Variants in RAP1GAP2 observed in about 807,000 individuals in gnomAD.
The protein encoded by RAP1GAP2 is RAP1 GTPase activating protein 2.
A neutral mutation model predicts 95.0 loss-of-function variants in RAP1GAP2; 27 were observed. The ratio of observed to expected loss-of-function variants is 0.28; its 90% CI spans 0.21 to 0.39. The LOEUF (loss-of-function observed/expected upper bound fraction) is 0.39. RAP1GAP2 is among the 10% of genes least tolerant of loss of function. The pLI, the probability that RAP1GAP2 is intolerant of heterozygous loss-of-function variation, is 1.00. For synonymous variants in RAP1GAP2, 373 were observed against 380.9 expected (o/e 0.98, Z 0.24); for missense variants, 771 against 970.0 (o/e 0.79, Z 2.72).
In RAP1GAP2 at chr17:2,872,285, C is replaced by T. The variant is rs546415181; in HGVS notation, c.81-32999C>T. On this transcript the variant is annotated intron_variant, in intron 2 of 24. Transcript: ENST00000254695. Reference sequence around the variant, plus strand: ...CAGCCTAAAATGAGTGACAGAAAGACGAGTTCTCCAAAACAAAGAGTTTCT... The same window carrying T: ...CAGCCTAAAATGAGTGACAGAAAGATGAGTTCTCCAAAACAAAGAGTTTCT... Among the ~76,000 whole-genome samples the T allele has an allele frequency of 5.8e-4, 86 of 148,274 alleles. 1 individual carries two copies. The highest frequency in any genetic ancestry group is 1.3e-3 in the Admixed American group (20 of 14,822).
intron 8 of RAP1GAP2, among the ~76,000 whole-genome samples, chr17:2,971,098 A>G (rs772177958): frequency 3.9e-5 from 6 of 152,234 alleles, no homozygotes; most frequent in Non-Finnish European, 7.3e-5. Flanking sequence ...ACTTACTTGT[A>G]GGTAATTATC....
At chr17:2,846,871 G>C (rs954623352) in intron 2 of RAP1GAP2, among the ~76,000 whole-genome samples, 2 of 152,122 alleles carry the variant, frequency 1.3e-5, no homozygotes, top group Admixed American at 1.3e-4. Flanking sequence ...TAAGCCTAGG[G>C]ACAAGTGGGC....
intron 3 of RAP1GAP2, among the ~76,000 whole-genome samples, chr17:2,947,641 C>A (rs1597691353): frequency 6.6e-6 from 1 of 152,152 alleles, no homozygotes; most frequent in Non-Finnish European, 1.5e-5. Context: ...CGAGGACCTT[C>A]TGTTCTGCAG....
rs577331400 is a variant in RAP1GAP2, at chr17:2,867,748, G to C, written c.81-37536G>C. Among the ~76,000 whole-genome samples, 7 of 152,212 alleles carry C rather than the reference G, an allele frequency of 4.6e-5. No homozygotes were observed. In the South Asian group the frequency reaches 1.4e-3, roughly 32 times the overall value. On this transcript the variant is annotated intron_variant, in intron 2 of 24. Coordinates refer to ENST00000254695, the MANE Select transcript of RAP1GAP2 (RefSeq NM_015085.5). This position sits in a 1 kb window ranked among gnomAD's most constrained non-coding sequence, Gnocchi z 4.5. ...CTCAGAAGCTCAGGGGATGGAAGCT[G>C]GGCAGTAAAAATGCCAACAGCTGTC...
At chr17:2,908,401 A>G (rs1459249411) in intron 3 of RAP1GAP2, among the ~76,000 whole-genome samples, 1 of 152,168 alleles carries the variant, frequency 6.6e-6, no homozygotes, top group African/African-American at 2.4e-5. Flanking sequence ...GATTAAGATG[A>G]GACCTTTGGA....
In RAP1GAP2 at chr17:2,797,844, G is replaced by A. The variant is rs2069139003; in HGVS notation, c.44+1273G>A. On this transcript the variant is annotated intron_variant, in intron 1 of 24. Coordinates refer to ENST00000254695, the MANE Select transcript of RAP1GAP2 (RefSeq NM_015085.5). This position sits in a 1 kb window ranked among gnomAD's most constrained non-coding sequence, Gnocchi z 5.6. ...GCTTCTGGTTGGGAGGGGTGTGTGT[G>A]TCTTGGCTGTGGGCCTTGCAGGGCA... is the stretch of plus-strand genomic sequence containing the variant. 1.1e-6 allele frequency: 1 copy of A among 947,500 alleles called. No homozygotes were observed. The allele number at this position is 947,500 out of a possible 1,614,324, so 58.7% of individuals were successfully genotyped here.
chr17:2,818,186 C>A (rs2070117576), intron 2 of RAP1GAP2, among the ~76,000 whole-genome samples: 1 of 152,032 alleles, frequency 6.6e-6, no homozygotes, highest in South Asian at 2.1e-4. Flanking sequence ...ATAAAACACA[C>A]ACATAAAGTT....
intron 19 of RAP1GAP2, among the ~76,000 whole-genome samples, chr17:3,022,429 T>C (rs187818438): frequency 3.9e-5 from 6 of 152,294 alleles, no homozygotes; most frequent in Admixed American, 2.0e-4. Context: ...CCCAAGAGAG[T>C]TGAGAACGGT....
intron 2 of RAP1GAP2, among the ~76,000 whole-genome samples, chr17:2,830,542 C>T (rs1324473526): frequency 3.3e-5 from 5 of 151,898 alleles, no homozygotes; most frequent in East Asian, 3.9e-4. Context: ...GGTGAAACCC[C>T]GTCTCTACTA....
intron 1 of RAP1GAP2, among the ~76,000 whole-genome samples, chr17:2,761,382 G>A (rs1429648068): frequency 6.7e-6 from 1 of 150,236 alleles, no homozygotes; most frequent in African/African-American, 2.5e-5. Flanking sequence ...TCCGTCCCCC[G>A]GGTTCAAGCG....
intron 3 of RAP1GAP2, among the ~76,000 whole-genome samples, chr17:2,924,078 A>G (rs1307201670): frequency 6.6e-6 from 1 of 152,262 alleles, no homozygotes; most frequent in East Asian, 1.9e-4. Context: ...ATTATGATAA[A>G]AAGAACCAAA....
upstream of RAP1GAP2, among the ~76,000 whole-genome samples, chr17:2,795,530 C>A (rs530532870): frequency 1.3e-4 from 20 of 152,322 alleles, no homozygotes; most frequent in Non-Finnish European, 2.8e-4. Context: ...ACCGCCCCCC[C>A]ACCCCACACA....
At chr17:3,002,374 T>C (rs907356378) in intron 14 of RAP1GAP2, among the ~76,000 whole-genome samples, 34 of 152,112 alleles carry the variant, frequency 2.2e-4, no homozygotes, top group African/African-American at 8.2e-4. Flanking sequence ...GATCGTGCAC[T>C]CCACCTGCCA....
At chr17:2,967,101 G>T (rs992689016) in intron 8 of RAP1GAP2, among the ~76,000 whole-genome samples, 2 of 152,184 alleles carry the variant, frequency 1.3e-5, no homozygotes, top group Non-Finnish European at 2.9e-5. Flanking sequence ...AGGCACGGTG[G>T]CTCACGCCTG....
intron 3 of RAP1GAP2, among the ~76,000 whole-genome samples, chr17:2,916,668 G>A (rs1441567057): frequency 1.3e-5 from 2 of 152,170 alleles, no homozygotes; most frequent in Non-Finnish European, 2.9e-5. Flanking sequence ...AGTGGGTGTG[G>A]GCAGTAATGA....
intron 2 of RAP1GAP2, among the ~76,000 whole-genome samples, chr17:2,842,854 A>T (rs1398186809): frequency 6.6e-6 from 1 of 152,126 alleles, no homozygotes; most frequent in Non-Finnish European, 1.5e-5. Context: ...AAAGCCTGGG[A>T]AAGTTTTTCT....
At position 2,963,318 on chromosome 17, in the gene RAP1GAP2, C is replaced by T. The variant is rs1597734131; in HGVS notation, c.247-112C>T. 1 of 1,205,700 alleles carries T rather than the reference C, an allele frequency of 8.3e-7. No homozygotes were observed. The highest frequency in any genetic ancestry group is 1.2e-6 in the Non-Finnish European group (1 of 812,184). The allele number at this position is 1,205,700 out of a possible 1,614,324, so 74.7% of individuals were successfully genotyped here. A position where few individuals can be genotyped will look rare whatever the true frequency, so the allele number is the denominator to read the frequency against. On this transcript the variant is annotated intron_variant, in intron 5 of 24. Transcript: ENST00000254695. The surrounding 1 kb of genome is among the most constrained non-coding windows in gnomAD (Gnocchi z 4.8). ...CTGAGCTGTTCTTCCATCGAATGTT[C>T]CTCCCTCAAAGCCCCCCCACAACAT... is the stretch of plus-strand genomic sequence containing the variant.
intron 11 of RAP1GAP2, among the ~76,000 whole-genome samples, chr17:2,985,655 T>C (rs2045532648): frequency 6.6e-6 from 1 of 152,218 alleles, no homozygotes; most frequent in African/African-American, 2.4e-5. Flanking sequence ...CTGTGTTTTG[T>C]AGCCCTCACA....
intron 3 of RAP1GAP2, among the ~76,000 whole-genome samples, chr17:2,936,872 C>T (rs1224638996): frequency 3.3e-5 from 5 of 152,178 alleles, no homozygotes; most frequent in Admixed American, 6.5e-5. Context: ...CTTCGTTTTC[C>T]GGATTGTAAT....
Sources: gnomAD v4.1 joint callset for allele counts (sites outside exome capture counted in the v4.1 genomes callset) on GRCh38, gnomAD v4.1.1 for gene constraint, Gnocchi (gnomAD v3.1) non-coding constraint, MANE v1.5 for transcripts, NCBI Gene and HGNC (gene_info 2026-07-23, HGNC 2026-07-21) for gene names.